EPB41L3: variants seen among roughly 807,000 people sequenced by gnomAD.
EPB41L3 encodes erythrocyte membrane protein band 4.1 like 3, also known as band 4.1-like protein 3.
A neutral mutation model predicts 127.1 loss-of-function variants in EPB41L3; 57 were observed. The observed-to-expected ratio is 0.45, with a 90% CI of 0.36 to 0.56. EPB41L3 has a LOEUF of 0.56. Among genes scored for constraint, EPB41L3 ranks in the 20% least tolerant of loss-of-function variants. EPB41L3 has a pLI of 0.00. For synonymous variants in EPB41L3, 572 were observed against 549.5 expected (o/e 1.04, Z -0.57); for missense variants, 1,273 against 1,372.2 (o/e 0.93, Z 1.14).
At chr18:5,506,673 C>G (rs191307593) in intron 1 of EPB41L3, among the ~76,000 whole-genome samples, 36 of 152,244 alleles carry the variant, frequency 2.4e-4, no homozygotes, top group Admixed American at 4.6e-4. Flanking sequence ...TATCATATCC[C>G]CTCTGTTGTA....
At position 5,612,352 on chromosome 18, in the gene EPB41L3, T is replaced by C. The variant is rs199688252; in HGVS notation, c.-318A>G. The C allele has an allele frequency of 2.0e-4, 30 of 152,322 alleles. 1 individual carries two copies. The East Asian group carries it at 5.6e-3, about 28-fold the overall frequency. The allele number at this position is 152,322 out of a possible 1,614,324, so 9.4% of individuals were successfully genotyped here. On this transcript the variant is annotated 5_prime_UTR_variant, in exon 3 of 22. Coordinates refer to the EPB41L3 transcript ENST00000545076. ...CAGAAATGCCTACCAAGACCAGAGA[T>C]GGGCGGGGATGTCCCCACTCATTCC...
chr18:5,444,843 C>G (rs568780110), intron 4 of EPB41L3, among the ~76,000 whole-genome samples: 9 of 152,250 alleles, frequency 5.9e-5, no homozygotes, highest in African/African-American at 1.4e-4. Flanking sequence ...ATTACTCCCC[C>G]CAACCCCACC....
intron 3 of EPB41L3, among the ~76,000 whole-genome samples, chr18:5,571,487 C>T (rs1420258865): frequency 6.6e-6 from 1 of 152,162 alleles, no homozygotes; most frequent in Non-Finnish European, 1.5e-5. Context: ...AAGACTTCTC[C>T]AGTGGGGATA....
chr18:5,559,569 G>C (rs2094093397), intron 3 of EPB41L3, among the ~76,000 whole-genome samples: 1 of 152,012 alleles, frequency 6.6e-6, no homozygotes. Context: ...CAATCACCTT[G>C]GACACCAAGA....
chr18:5,568,751 A>G (rs2094240762), intron 3 of EPB41L3, among the ~76,000 whole-genome samples: 1 of 152,192 alleles, frequency 6.6e-6, no homozygotes, highest in Non-Finnish European at 1.5e-5. Context: ...TAAGGCCCAT[A>G]GTTTCAGACC....
At chr18:5,488,579 G>GATAATAATA (rs1358108812) in intron 2 of EPB41L3, among the ~76,000 whole-genome samples, 2,655 of 148,668 alleles carry the variant, frequency 0.018, 95 homozygotes, top group African/African-American at 0.062. Context: ...TGATGATGAT[G>GATAATAATA]ATGATAATAA....
intron 1 of EPB41L3, among the ~76,000 whole-genome samples, chr18:5,522,320 C>G (rs1441778985): frequency 6.6e-6 from 1 of 152,010 alleles, no homozygotes; most frequent in Non-Finnish European, 1.5e-5. Context: ...GATGGAGTTT[C>G]ACCATGCTGG....
At chr18:5,464,649 T>C (rs1335564355) in intron 3 of EPB41L3, among the ~76,000 whole-genome samples, 1 of 152,128 alleles carries the variant, frequency 6.6e-6, no homozygotes, top group Non-Finnish European at 1.5e-5. Context: ...GAACTCCAAA[T>C]ATGATAGGAG....
intron 2 of EPB41L3, among the ~76,000 whole-genome samples, chr18:5,613,386 C>T (rs773200146): frequency 3.3e-5 from 5 of 152,226 alleles, no homozygotes; most frequent in Admixed American, 3.3e-4. Context: ...GGCAGTAATG[C>T]TCAGTTCCTT....
At chr18:5,609,887 A>G (rs558831360) in intron 3 of EPB41L3, among the ~76,000 whole-genome samples, 5 of 152,228 alleles carry the variant, frequency 3.3e-5, no homozygotes, top group African/African-American at 7.2e-5. Context: ...AACAACAGCT[A>G]AAGTCTAAAT....
chr18:5,474,880 T>C (rs1363194163), intron 3 of EPB41L3, among the ~76,000 whole-genome samples: 2 of 152,194 alleles, frequency 1.3e-5, no homozygotes, highest in Non-Finnish European at 2.9e-5. Flanking sequence ...GCACCTACAG[T>C]TTCTACGGGA....
At chr18:5,555,562 A>C (rs1405795817) in intron 3 of EPB41L3, among the ~76,000 whole-genome samples, 3 of 152,110 alleles carry the variant, frequency 2.0e-5, no homozygotes, top group African/African-American at 7.2e-5. Context: ...TTAGAAACCC[A>C]GGCATCTCCT....
chr18:5,521,047 T>A (rs2092969267), intron 1 of EPB41L3, among the ~76,000 whole-genome samples: 1 of 152,202 alleles, frequency 6.6e-6, no homozygotes, highest in Non-Finnish European at 1.5e-5. Context: ...TCCTTGTCCC[T>A]GGTCAAAACA....
intron 14 of EPB41L3, among the ~76,000 whole-genome samples, chr18:5,409,208 ATTTTAT>A (rs970509420): frequency 1.3e-5 from 2 of 152,160 alleles, no homozygotes; most frequent in African/African-American, 4.8e-5. Context: ...ACAGCTCTTC[ATTTTAT>A]TTTTAAGCTT....
intron 3 of EPB41L3, among the ~76,000 whole-genome samples, chr18:5,590,175 G>A (rs964488298): frequency 1.3e-5 from 2 of 152,000 alleles, no homozygotes; most frequent in East Asian, 1.9e-4. Flanking sequence ...CATCCCCTTC[G>A]CTTTGGGCTT....
At chr18:5,630,655 G>A (rs775185074), upstream of EPB41L3, 9 of 368,074 alleles carry the variant, frequency 2.4e-5, no homozygotes, top group South Asian at 1.8e-4. Context: ...GCGCGCTTCG[G>A]GCGCCTGTGA....
chr18:5,572,212 T>C lies in EPB41L3; in HGVS notation c.-306+40128A>G, dbSNP rs2094289522. 2.6e-5 allele frequency among the ~76,000 whole-genome samples: 4 copies of C among 152,222 alleles called. No homozygotes were observed. In the South Asian group the frequency reaches 8.3e-4, roughly 31 times the overall value. On this transcript the variant is annotated intron_variant, in intron 3 of 21. Transcript: ENST00000545076. ...TTAGTACTAGGAAAACTTGGGGTTT[T>C]ATGTTACAGATATTTCATATCTTCA...
chr18:5,466,539 G>GCACGCAA lies in EPB41L3; in HGVS notation c.381+11695_381+11701dup, dbSNP rs1568302079. 5.3e-5 allele frequency among the ~76,000 whole-genome samples: 8 copies of GCACGCAA among 152,218 alleles called. 1 individual carries two copies. The highest frequency in any genetic ancestry group is 4.6e-4 in the Admixed American group (7 of 15,300). On this transcript the variant is annotated intron_variant, in intron 3 of 22. Coordinates refer to ENST00000341928, the MANE Select transcript of EPB41L3 (RefSeq NM_012307.5). The stretch of plus-strand genomic sequence containing the variant: ...ACTTCCACATTTTGTTGGAAATCAT[G>GCACGCAA]CACGCAACACGCCACACACATCACA...
chr18:5,599,774 C>G (rs2094571610), intron 3 of EPB41L3, among the ~76,000 whole-genome samples: 1 of 152,218 alleles, frequency 6.6e-6, no homozygotes, highest in Admixed American at 6.5e-5. Context: ...TCCTGTACAG[C>G]CTGCAGAATG....
Sources: allele counts gnomAD v4.1 joint callset (sites outside exome capture counted in the v4.1 genomes callset), GRCh38; gene constraint gnomAD v4.1.1; transcripts MANE v1.5; gene names NCBI Gene and HGNC (gene_info 2026-07-23, HGNC 2026-07-21).